The following SPTLC3 variants were observed in gnomAD, a reference collection of about 807,000 sequenced individuals.
SPTLC3 encodes the protein serine palmitoyltransferase long chain base subunit 3, also known as serine palmitoyltransferase 3.
Under a neutral mutation model 59.3 loss-of-function variants are expected in SPTLC3, and 36 were observed. The observed-to-expected ratio is 0.61, with a 90% confidence interval of 0.47 to 0.80. The LOEUF (loss-of-function observed/expected upper bound fraction) is 0.80, where lower values mean the gene tolerates loss of function less well. SPTLC3 is among the 30% of genes least tolerant of loss of function. The pLI, the probability that SPTLC3 is intolerant of heterozygous loss-of-function variation, is 0.00. For missense variants in SPTLC3, 625 were observed against 685.1 expected (o/e 0.91, Z 0.98); for synonymous variants, 257 against 240.8 (o/e 1.07, Z -0.62).
chr20:13,076,746 AG>A (rs1988661028), intron 4 of SPTLC3, among the ~76,000 whole-genome samples: 3 of 152,198 alleles, frequency 2.0e-5, no homozygotes, highest in Non-Finnish European at 4.4e-5. Flanking sequence ...ATTATTTCAA[AG>A]GGTGAAAAAT....
At chr20:13,142,536 G>C (rs2038408724) in intron 9 of SPTLC3, among the ~76,000 whole-genome samples, 1 of 152,232 alleles carries the variant, frequency 6.6e-6, no homozygotes, top group Non-Finnish European at 1.5e-5. Context: ...ATCCCAGTGT[G>C]TGGGTCTGGG....
At chr20:13,049,188 T>C (rs765057970) in intron 2 of SPTLC3, 58 bp downstream of exon 2, 4 of 1,580,776 alleles carry the variant, frequency 2.5e-6, no homozygotes, top group Non-Finnish European at 3.5e-6. Context: ...TAAAGTGTTC[T>C]CAGAAGTGGT....
At chr20:13,037,138 A>G (rs1986772827) in intron 1 of SPTLC3, among the ~76,000 whole-genome samples, 1 of 151,956 alleles carries the variant, frequency 6.6e-6, no homozygotes, top group South Asian at 2.1e-4. Context: ...AAAAACAGAG[A>G]CATTTTCCAT....
intron 9 of SPTLC3, among the ~76,000 whole-genome samples, chr20:13,149,691 G>A (rs1005814280): frequency 2.0e-5 from 3 of 152,196 alleles, no homozygotes; most frequent in African/African-American, 7.2e-5. Context: ...AAAACATTTA[G>A]TTCTTAGGAG....
chr20:13,150,656 C>A (rs958890398), intron 9 of SPTLC3, among the ~76,000 whole-genome samples: 2 of 152,212 alleles, frequency 1.3e-5, no homozygotes, highest in African/African-American at 2.4e-5. Flanking sequence ...CCTACTCCTT[C>A]CAATCATTAA....
intron 1 of SPTLC3, among the ~76,000 whole-genome samples, chr20:13,021,109 T>C (rs1042605420): frequency 6.6e-6 from 1 of 152,170 alleles, no homozygotes; most frequent in African/African-American, 2.4e-5. Flanking sequence ...GTCTGCAGCA[T>C]TAGTGAAAAA....
intron 4 of SPTLC3, among the ~76,000 whole-genome samples, chr20:13,082,526 TTTG>T (rs1988874708): frequency 1.3e-5 from 2 of 151,860 alleles, no homozygotes; most frequent in South Asian, 4.2e-4. Flanking sequence ...TCCATAAATC[TTTG>T]TTGGATCACA....
intron 7 of SPTLC3, among the ~76,000 whole-genome samples, chr20:13,111,699 A>G (rs1990241833): frequency 6.6e-6 from 1 of 152,176 alleles, no homozygotes; most frequent in African/African-American, 2.4e-5. Context: ...AACACCTGTC[A>G]TTCAGGCCTA....
At chr20:13,150,193 C>T (rs531071066) in intron 9 of SPTLC3, among the ~76,000 whole-genome samples, 1 of 152,314 alleles carries the variant, frequency 6.6e-6, no homozygotes, top group African/African-American at 2.4e-5. Context: ...ACTCTCTAAA[C>T]ACAGTTTCAA....
chr20:13,139,202 G>T (rs925013757), intron 9 of SPTLC3, among the ~76,000 whole-genome samples: 1 of 152,156 alleles, frequency 6.6e-6, no homozygotes, highest in African/African-American at 2.4e-5. Flanking sequence ...ACAAGAGGTT[G>T]AGAAACTAAA....
rs147296796 is a variant in SPTLC3, at chr20:13,083,273, G to C, written c.608-7810G>C. On this transcript the variant is annotated intron_variant, in intron 4 of 11. Coordinates refer to ENST00000399002, the MANE Select transcript of SPTLC3 (RefSeq NM_018327.4). ...TTATCATCCTTCAGGGTAAAGATGT[G>C]TATATTCCTCTGAACTATTCACCAG... Among the ~76,000 whole-genome samples the C allele has an allele frequency of 2.1e-4, 32 of 152,228 alleles. 1 individual carries two copies. The highest frequency in any genetic ancestry group is 1.4e-3 in the East Asian group (7 of 5,178).
chr20:13,067,448 C>T (rs1988265783), intron 2 of SPTLC3, among the ~76,000 whole-genome samples: 1 of 152,100 alleles, frequency 6.6e-6, no homozygotes, highest in South Asian at 2.1e-4. Flanking sequence ...TTTAATTTCC[C>T]CAGTGATCAG....
intron 1 of SPTLC3, among the ~76,000 whole-genome samples, chr20:13,011,903 C>A (rs1319791870): frequency 1.3e-5 from 2 of 152,088 alleles, no homozygotes; most frequent in Non-Finnish European, 2.9e-5. Context: ...ATGAGCATAT[C>A]CACACTACAG....
chr20:13,066,104 C>T (rs1988198979), intron 2 of SPTLC3, among the ~76,000 whole-genome samples: 1 of 152,276 alleles, frequency 6.6e-6, no homozygotes, highest in African/African-American at 2.4e-5. Flanking sequence ...CACCATTCTA[C>T]TCTCTGCTCC....
intron 1 of SPTLC3, among the ~76,000 whole-genome samples, chr20:13,045,873 T>G (rs1028084353): frequency 3.9e-5 from 6 of 151,996 alleles, no homozygotes; most frequent in African/African-American, 1.2e-4. Context: ...AAGCAGAAAC[T>G]GCCTATGGAT....
chr20:13,040,265 A>G (rs968188987), intron 1 of SPTLC3, among the ~76,000 whole-genome samples: 5 of 152,066 alleles, frequency 3.3e-5, no homozygotes, highest in Non-Finnish European at 5.9e-5. Flanking sequence ...ATATATGTCT[A>G]TATATGTAAG....
chr20:13,158,182 G>C (rs1376520139), intron 10 of SPTLC3, among the ~76,000 whole-genome samples: 1 of 152,182 alleles, frequency 6.6e-6, no homozygotes, highest in Admixed American at 6.5e-5. Flanking sequence ...ACAATGCAAT[G>C]CTAATGTTTA....
At chr20:13,036,688 G>T (rs1008917319) in intron 1 of SPTLC3, among the ~76,000 whole-genome samples, 2 of 151,944 alleles carry the variant, frequency 1.3e-5, no homozygotes, top group Non-Finnish European at 2.9e-5. Context: ...AGGGTCAATG[G>T]TACTACCAAT....
intron 7 of SPTLC3, 66 bp downstream of exon 7, chr20:13,110,283 GC>G: frequency 2.2e-6 from 3 of 1,353,782 alleles, no homozygotes; most frequent in Non-Finnish European, 3.1e-6. Context: ...GTGCGGAAAG[GC>G]TCACCTTTCC....
Sources: allele counts gnomAD v4.1 joint callset (sites outside exome capture counted in the v4.1 genomes callset), GRCh38; gene constraint gnomAD v4.1.1; transcripts MANE v1.5; gene names NCBI Gene and HGNC (gene_info 2026-07-23, HGNC 2026-07-21).